Variants in RUNX1 observed in about 807,000 individuals in gnomAD.
RUNX1 encodes the protein runt-related transcription factor 1.
Under a neutral mutation model 42.8 loss-of-function variants are expected in RUNX1, and 19 were observed. The ratio of observed to expected loss-of-function variants is 0.44; its 90% CI spans 0.31 to 0.65. RUNX1 has a LOEUF of 0.65. Among genes scored for constraint, RUNX1 ranks in the 30% least tolerant of loss-of-function variants. RUNX1 has a pLI of 0.07. For synonymous variants in RUNX1, 271 were observed against 289.4 expected (o/e 0.94, Z 0.64); for missense variants, 528 against 672.0 (o/e 0.79, Z 2.37).
At chr21:34,934,370 T>C (rs2058470221) in intron 2 of RUNX1, among the ~76,000 whole-genome samples, 1 of 152,116 alleles carries the variant, frequency 6.6e-6, no homozygotes, top group Non-Finnish European at 1.5e-5. Context: ...TTTCTCTTGA[T>C]TGCATCTAGA....
chr21:34,913,125 G>A (rs2058285180), intron 2 of RUNX1, among the ~76,000 whole-genome samples: 1 of 152,168 alleles, frequency 6.6e-6, no homozygotes, highest in South Asian at 2.1e-4. Context: ...CCAGCTACTT[G>A]GGAGGGTGAA....
Position 34,792,257 on chromosome 21 carries a change from G to C in RUNX1, c.1321C>G (p.Leu441Val). ...PCTNASTGSA[L>V]LNPSLPNQSD... ...TGGTTCGGGAGGCTGGGGTTGAGCA[G>C]CGCGGAGCCGGTGGAGGCGTTGGTG... Residue 441 changes from leucine to valine, a missense_variant, in exon 9 of 9, where the codon CTG becomes GTG. Leu to Val is a conservative substitution (Grantham distance 32). Around this residue, in one of 3 missense-constraint regions of RUNX1, gnomAD observed 331 missense variants for 382.5 expected, o/e 0.87. Transcript: ENST00000675419. This position sits in a 1 kb window ranked among gnomAD's most constrained non-coding sequence, Gnocchi z 6.9. 1 of 1,538,204 alleles carries C rather than the reference G, an allele frequency of 6.5e-7. No individual in the cohort carries two copies. The highest frequency in any genetic ancestry group is 8.7e-7 in the Non-Finnish European group (1 of 1,146,462).
intron 2 of RUNX1, among the ~76,000 whole-genome samples, chr21:35,016,626 G>C (rs1159798710): frequency 6.6e-6 from 1 of 152,148 alleles, no homozygotes; most frequent in African/African-American, 2.4e-5. Flanking sequence ...TGAGGGGACA[G>C]AACAGCCTTA....
At chr21:34,978,075 C>T (rs1234526391) in intron 2 of RUNX1, among the ~76,000 whole-genome samples, 1 of 152,126 alleles carries the variant, frequency 6.6e-6, no homozygotes, top group Non-Finnish European at 1.5e-5. Context: ...GCAGCTGGGA[C>T]TACAGTCACG....
At chr21:34,942,753 A>G (rs1166423903) in intron 2 of RUNX1, among the ~76,000 whole-genome samples, 2 of 152,198 alleles carry the variant, frequency 1.3e-5, no homozygotes, top group East Asian at 3.9e-4. Flanking sequence ...TCAGTGCACA[A>G]TGAAGTCTGC....
At chr21:34,980,226 T>C (rs1262540609) in intron 2 of RUNX1, among the ~76,000 whole-genome samples, 1 of 152,224 alleles carries the variant, frequency 6.6e-6, no homozygotes, top group Non-Finnish European at 1.5e-5. Flanking sequence ...TCTGGAACCA[T>C]TAGCCTTGTC....
intron 2 of RUNX1, among the ~76,000 whole-genome samples, chr21:34,971,033 ATGTAGGT>A (rs2058760331): frequency 6.6e-6 from 1 of 152,174 alleles, no homozygotes; most frequent in East Asian, 1.9e-4. Context: ...TATATAGTTT[ATGTAGGT>A]ATTATACATT....
chr21:34,890,324 A>G (rs375265024), intron 3 of RUNX1, among the ~76,000 whole-genome samples: 1 of 152,188 alleles, frequency 6.6e-6, no homozygotes, highest in African/African-American at 2.4e-5. Flanking sequence ...CCCGGGAAGA[A>G]CTAGCGTTCG....
chr21:34,881,953 C>T (rs999146928), intron 4 of RUNX1, among the ~76,000 whole-genome samples: 1 of 152,176 alleles, frequency 6.6e-6, no homozygotes, highest in African/African-American at 2.4e-5. Flanking sequence ...TCATTTCTGA[C>T]ATTCTTTACG....
rs1390524694 is a variant in RUNX1 at position 34,801,278 on chromosome 21, A to G, written c.806-1816T>C. Among the ~76,000 whole-genome samples, 8 of 152,136 alleles carry G rather than the reference A, an allele frequency of 5.3e-5. No homozygotes were observed. The East Asian group carries it at 1.5e-3, about 29-fold the overall frequency. On this transcript the variant is annotated intron_variant, in intron 7 of 8. Transcript: ENST00000675419. Reference sequence around the variant, plus strand: ...CCCGGGGTGTGAACTGCAGTACAGTAATTCACGCCTTGTTGTGTAGACAGC... The same window carrying G: ...CCCGGGGTGTGAACTGCAGTACAGTGATTCACGCCTTGTTGTGTAGACAGC...
intron 2 of RUNX1, among the ~76,000 whole-genome samples, chr21:34,903,649 T>C (rs1041737033): frequency 6.6e-5 from 10 of 152,316 alleles, no homozygotes; most frequent in Admixed American, 3.9e-4. Context: ...ATATCTACAT[T>C]TGTCAATTAA....
intron 2 of RUNX1, among the ~76,000 whole-genome samples, chr21:35,023,318 G>A (rs2059212986): frequency 6.6e-6 from 1 of 152,100 alleles, no homozygotes; most frequent in South Asian, 2.1e-4. Context: ...GCAAAACTCC[G>A]GAAAATTAAC....
intron 2 of RUNX1, among the ~76,000 whole-genome samples, chr21:34,998,995 T>G (rs1179114599): frequency 6.6e-6 from 1 of 152,210 alleles, no homozygotes; most frequent in Non-Finnish European, 1.5e-5. Flanking sequence ...AGAGAGTTAA[T>G]AGACTTGATG....
intron 2 of RUNX1, among the ~76,000 whole-genome samples, chr21:34,926,376 A>G (rs1469524455): frequency 7.0e-6 from 1 of 143,762 alleles, no homozygotes; most frequent in Non-Finnish European, 1.5e-5. Flanking sequence ...AGGCTGAGAC[A>G]GGAGGATCCC....
At chr21:34,953,218 T>C (rs976560900) in intron 2 of RUNX1, among the ~76,000 whole-genome samples, 2 of 152,288 alleles carry the variant, frequency 1.3e-5, no homozygotes, top group Middle Eastern at 3.4e-3. Context: ...GTGCCTGTTT[T>C]GTGCAAATTC....
At chr21:34,873,229 C>G (rs867770387) in intron 5 of RUNX1, among the ~76,000 whole-genome samples, 7 of 152,202 alleles carry the variant, frequency 4.6e-5, no homozygotes, top group South Asian at 4.1e-4. Flanking sequence ...GATGAGCACA[C>G]AGATGACCAA....
intron 2 of RUNX1, among the ~76,000 whole-genome samples, chr21:34,952,624 A>G (rs2058617032): frequency 6.6e-6 from 1 of 152,162 alleles, no homozygotes; most frequent in Admixed American, 6.5e-5. Flanking sequence ...ATTTCATTTA[A>G]TCATCTCTTC....
At chr21:34,795,723 C>A (rs2056517862) in intron 8 of RUNX1, among the ~76,000 whole-genome samples, 1 of 152,190 alleles carries the variant, frequency 6.6e-6, no homozygotes, top group Admixed American at 6.5e-5. Context: ...CTCTTTGGGG[C>A]CATCTGTGAG....
In RUNX1 at chr21:34,792,182, T is replaced by A. The variant is rs762213305; in HGVS notation, c.1396A>T (p.Met466Leu). 2.1e-5 allele frequency: 32 copies of A among 1,530,352 alleles called. No individual in the cohort carries two copies. The East Asian group carries it at 7.3e-4, about 35-fold the overall frequency. 94.8% of individuals were successfully genotyped at this position (1,530,352 alleles called of 1,614,324 possible). Residue 466 changes from methionine to leucine, a missense_variant, in exon 9 of 9, where the codon ATG (methionine) becomes TTG (leucine). By Grantham distance (15) the Met-to-Leu change is conservative. This residue lies in a region of RUNX1 where 331 missense variants were observed against 382.5 expected (regional missense o/e 0.87). Transcript: ENST00000675419. The surrounding 1 kb of genome is among the most constrained non-coding windows in gnomAD (Gnocchi z 6.9). The stretch of plus-strand genomic sequence containing the variant: ...TCCTCCAGGCGCGCGGAGGGCGCCA[T>A]GTTGGTGGGGGAGTTGCTGTGGCTG... ...EGSHSNSPTN[M>L]APSARLEEAV...
Sources: gnomAD v4.1 joint callset for allele counts (sites outside exome capture counted in the v4.1 genomes callset) on GRCh38, gnomAD v4.1.1 for gene constraint, gnomAD v4.1.1 regional missense constraint, Gnocchi (gnomAD v3.1) non-coding constraint, MANE v1.5 for transcripts, NCBI Gene and HGNC (gene_info 2026-07-23, HGNC 2026-07-21) for gene names.